GALNT13: variants seen among roughly 807,000 people sequenced by gnomAD.
GALNT13 encodes the protein UDP-GalNAc:polypeptide N-acetylgalactosaminyltransferase 13.
A neutral mutation model predicts 64.2 loss-of-function variants in GALNT13; 28 were observed. The ratio of observed to expected loss-of-function variants is 0.44; its 90% CI spans 0.32 to 0.60. The LOEUF (loss-of-function observed/expected upper bound fraction) is 0.60, where lower values mean the gene tolerates loss of function less well. Among genes scored for constraint, GALNT13 ranks in the 20% least tolerant of loss-of-function variants. The probability of loss-of-function intolerance (pLI) is 0.05; values close to 1 mark genes in which losing one functional copy is unlikely to be tolerated. For synonymous variants in GALNT13, 214 were observed against 224.6 expected (o/e 0.95, Z 0.42); for missense variants, 577 against 669.8 (o/e 0.86, Z 1.53).
At chr2:153,761,436 A>C in the GALNT13 span, 2 of 152,358 alleles carry the variant, frequency 1.3e-5, no homozygotes, top group African/African-American at 4.8e-5. Flanking sequence ...AGTGAGTGTT[A>C]CTCACTGGTC....
chr2:153,190,666 A>G, the GALNT13 span, among the ~76,000 whole-genome samples: 1 of 151,832 alleles, frequency 6.6e-6, no homozygotes, highest in Non-Finnish European at 1.5e-5. Context: ...GGTTGATTTG[A>G]GTTATATGGT....
At chr2:154,142,410 G>A (rs543544545) in intron 4 of GALNT13, among the ~76,000 whole-genome samples, 78 of 151,754 alleles carry the variant, frequency 5.1e-4, no homozygotes, top group African/African-American at 1.6e-3. Context: ...TTAGCCAGGC[G>A]TGGTGTTGCA....
the GALNT13 span, among the ~76,000 whole-genome samples, chr2:153,849,199 A>T: frequency 2.0e-5 from 3 of 152,178 alleles, no homozygotes; most frequent in Non-Finnish European, 4.4e-5. Context: ...TCATTTCAAT[A>T]CATGCAAAAA....
At chr2:153,306,184 C>T in the GALNT13 span, among the ~76,000 whole-genome samples, 1 of 152,198 alleles carries the variant, frequency 6.6e-6, no homozygotes, top group African/African-American at 2.4e-5. Flanking sequence ...GCCCACTCCC[C>T]AGCAAACACT....
At chr2:154,355,401 G>A (rs1004954636) in intron 9 of GALNT13, among the ~76,000 whole-genome samples, 1 of 152,098 alleles carries the variant, frequency 6.6e-6, no homozygotes, top group Non-Finnish European at 1.5e-5. Context: ...CCTTGAATAT[G>A]CAAGATATGA....
chr2:153,865,454 A>G, the GALNT13 span, among the ~76,000 whole-genome samples: 1 of 144,294 alleles, frequency 6.9e-6, no homozygotes, highest in Non-Finnish European at 1.5e-5. Context: ...GAACTCAAAC[A>G]AATTTACAAG....
At chr2:153,948,693 T>C (rs1423016066) in intron 3 of GALNT13, among the ~76,000 whole-genome samples, 1 of 152,150 alleles carries the variant, frequency 6.6e-6, no homozygotes, top group African/African-American at 2.4e-5. Flanking sequence ...AATGAGATCA[T>C]GTCCTTTGCA....
the GALNT13 span, among the ~76,000 whole-genome samples, chr2:153,863,038 T>C: frequency 6.6e-6 from 1 of 152,150 alleles, no homozygotes; most frequent in African/African-American, 2.4e-5. Flanking sequence ...ATTTTATCCA[T>C]ATCGTAACCA....
At chr2:153,402,679 C>T in the GALNT13 span, among the ~76,000 whole-genome samples, 4 of 152,250 alleles carry the variant, frequency 2.6e-5, no homozygotes, top group East Asian at 7.7e-4. Flanking sequence ...TCATTCATTT[C>T]ATCTTCCATT....
At chr2:153,202,663 C>T in the GALNT13 span, among the ~76,000 whole-genome samples, 1 of 152,080 alleles carries the variant, frequency 6.6e-6, no homozygotes, top group Non-Finnish European at 1.5e-5. Context: ...TTAATGCTAT[C>T]ATCAAGCACT....
At chr2:154,211,629 C>CAAAAAAAAAAAAAAAAAAA (rs140095331) in intron 4 of GALNT13, among the ~76,000 whole-genome samples, 17 of 37,928 alleles carry the variant, frequency 4.5e-4, no homozygotes, top group Non-Finnish European at 5.7e-4. Context: ...ACTCCATCTC[C>CAAAAAAAAAAAAAAAAAAA]AAAAAAAAAA....
chr2:154,111,319 G>A (rs949028491), intron 3 of GALNT13, among the ~76,000 whole-genome samples: 9 of 152,118 alleles, frequency 5.9e-5, no homozygotes, highest in Non-Finnish European at 1.2e-4. Context: ...TAATCACAGG[G>A]CATGGTAATA....
At chr2:153,725,440 A>T in the GALNT13 span, among the ~76,000 whole-genome samples, 5 of 151,004 alleles carry the variant, frequency 3.3e-5, no homozygotes, top group Admixed American at 3.3e-4. Context: ...CATGTACCCT[A>T]AAACTTAAAG....
At chr2:153,354,568 A>G in the GALNT13 span, among the ~76,000 whole-genome samples, 2 of 152,210 alleles carry the variant, frequency 1.3e-5, no homozygotes, top group African/African-American at 4.8e-5. Context: ...GGGAAACTTT[A>G]TAAGGGATGC....
the GALNT13 span, among the ~76,000 whole-genome samples, chr2:153,123,980 T>C: frequency 2.6e-5 from 4 of 152,176 alleles, no homozygotes; most frequent in Non-Finnish European, 5.9e-5. Flanking sequence ...AATGCTAAGA[T>C]GAGGTTATAA....
the GALNT13 span, among the ~76,000 whole-genome samples, chr2:153,167,614 A>G: frequency 3.3e-5 from 5 of 152,192 alleles, no homozygotes; most frequent in African/African-American, 7.2e-5. Context: ...ATTGCTTCAC[A>G]GATCATTCTT....
chr2:153,701,816 A>G, the GALNT13 span, among the ~76,000 whole-genome samples: 1 of 152,238 alleles, frequency 6.6e-6, no homozygotes. Flanking sequence ...CAATTATTAA[A>G]AAGTCAAGAA....
chr2:153,223,005 C>T, the GALNT13 span, among the ~76,000 whole-genome samples: 96 of 152,358 alleles, frequency 6.3e-4, 3 homozygotes, highest in East Asian at 0.017. Context: ...TGTTCCCGGC[C>T]TGCTGGCTCA....
At chr2:153,629,112 A>G in the GALNT13 span, among the ~76,000 whole-genome samples, 3 of 152,056 alleles carry the variant, frequency 2.0e-5, no homozygotes, top group African/African-American at 7.2e-5. Context: ...CATTTCTTCT[A>G]GATTCTCTAG....
Sources: allele counts gnomAD v4.1 joint callset (sites outside exome capture counted in the v4.1 genomes callset), GRCh38; gene constraint gnomAD v4.1.1; transcripts MANE v1.5; gene names NCBI Gene and HGNC (gene_info 2026-07-23, HGNC 2026-07-21).